Variants in CRACD observed in about 807,000 individuals in gnomAD.
The protein encoded by CRACD is capping protein-inhibiting regulator of actin dynamics.
Under a neutral mutation model 106.8 loss-of-function variants are expected in CRACD, and 56 were observed. The ratio of observed to expected loss-of-function variants is 0.52; its 90% CI spans 0.42 to 0.66. CRACD has a LOEUF of 0.66. Among genes scored for constraint, CRACD ranks in the 30% least tolerant of loss-of-function variants. The probability of loss-of-function intolerance (pLI) is 0.00; values close to 1 mark genes in which losing one functional copy is unlikely to be tolerated. For synonymous variants in CRACD, 754 were observed against 670.8 expected (o/e 1.12, Z -1.92); for missense variants, 1,730 against 1,623.2 (o/e 1.07, Z -1.13).
chr4:56,113,944 C>T (rs752744794), intron 1 of CRACD, among the ~76,000 whole-genome samples: 3 of 152,066 alleles, frequency 2.0e-5, no homozygotes, highest in Non-Finnish European at 4.4e-5. Flanking sequence ...TCAGAAAAGG[C>T]AGTCTTCCTT....
chr4:56,061,281 C>T (rs1267933411), intron 1 of CRACD, among the ~76,000 whole-genome samples: 4 of 152,176 alleles, frequency 2.6e-5, no homozygotes, highest in Admixed American at 2.6e-4. Flanking sequence ...AAGGATCCTC[C>T]TACCTCAGCC....
chr4:56,058,303 C>G (rs1010660386), intron 1 of CRACD, among the ~76,000 whole-genome samples: 2 of 152,164 alleles, frequency 1.3e-5, no homozygotes, highest in African/African-American at 4.8e-5. Flanking sequence ...CCCTTGGGCT[C>G]AAGCAATCCC....
chr4:56,276,365 G>A (rs377079784), intron 3 of CRACD, among the ~76,000 whole-genome samples: 1 of 152,070 alleles, frequency 6.6e-6, no homozygotes, highest in African/African-American at 2.4e-5. Flanking sequence ...TTTACTATGC[G>A]AATGTGTCCT....
chr4:56,245,504 G>A (rs1740632300), intron 2 of CRACD, among the ~76,000 whole-genome samples: 2 of 152,212 alleles, frequency 1.3e-5, no homozygotes, highest in Non-Finnish European at 2.9e-5. Context: ...ACGTTCAGTT[G>A]TGTTTTGGTC....
intron 2 of CRACD, among the ~76,000 whole-genome samples, chr4:56,189,549 T>A (rs1277735246): frequency 1.7e-5 from 1 of 60,078 alleles, no homozygotes; most frequent in Non-Finnish European, 3.0e-5. Context: ...CCCTCCCCCC[T>A]CCCCCCACCC....
chr4:56,106,935 C>A (rs1229182880), intron 1 of CRACD, among the ~76,000 whole-genome samples: 1 of 152,152 alleles, frequency 6.6e-6, no homozygotes, highest in Non-Finnish European at 1.5e-5. Context: ...GCCAGCTGTG[C>A]ACATGAGCAT....
chr4:56,284,292 TAAAAAAAAAAA>T (rs59270238), intron 3 of CRACD, among the ~76,000 whole-genome samples: 13 of 45,474 alleles, frequency 2.9e-4, no homozygotes, highest in Admixed American at 4.0e-4. Flanking sequence ...CATCCTAAAG[TAAAAAAAAAAA>T]AAAAAAAAAA....
At chr4:56,299,669 A>G (rs1049527873) in intron 4 of CRACD, among the ~76,000 whole-genome samples, 1 of 139,140 alleles carries the variant, frequency 7.2e-6, no homozygotes, top group Non-Finnish European at 1.6e-5. Flanking sequence ...GAGCTTGTCC[A>G]AAAAAAAAAA....
intron 2 of CRACD, among the ~76,000 whole-genome samples, chr4:56,188,736 G>GAGA (rs746010336): frequency 6.8e-4 from 84 of 122,784 alleles, no homozygotes; most frequent in Non-Finnish European, 9.5e-4. Context: ...AGAGAGAGAG[G>GAGA]GGTTAACATT....
At chr4:56,172,381 G>A (rs2109918518) in intron 1 of CRACD, among the ~76,000 whole-genome samples, 1 of 152,326 alleles carries the variant, frequency 6.6e-6, no homozygotes, top group South Asian at 2.1e-4. Flanking sequence ...TATTTTCTCT[G>A]TTACAATCTG....
chr4:56,141,646 A>G lies in CRACD; in HGVS notation c.-335-37638A>G, dbSNP rs62308640. On this transcript the variant is annotated intron_variant, in intron 1 of 10. Transcript: ENST00000682029. ...CAAAACAAGAGATGCTGAATATCTC[A>G]TAAGTAAAAGTAAGTATCTAAACTA... Among the ~76,000 whole-genome samples, 1,273 of 151,138 alleles carry G rather than the reference A, an allele frequency of 8.4e-3. 3 individuals carry two copies. Among genetic ancestry groups the G allele is most frequent in the Middle Eastern group, 0.021 (6 of 292 alleles).
chr4:56,329,521 T>C lies in CRACD; in HGVS notation c.*1717T>C, dbSNP rs751704951. Among the ~76,000 whole-genome samples the C allele has an allele frequency of 2.0e-5, 3 of 152,202 alleles. No homozygotes were observed. The highest frequency in any genetic ancestry group is 4.4e-5 in the Non-Finnish European group (3 of 68,034). ...CTGGCATGTGTGGTCAAGTGGATAG[T>C]TGTACTCTTGCAAGTTGGATTTAAT... is the stretch of plus-strand genomic sequence containing the variant. On this transcript the variant is annotated 3_prime_UTR_variant, in exon 11 of 11. Transcript: ENST00000682029.
chr4:56,124,181 A>C (rs1262421555), intron 1 of CRACD, among the ~76,000 whole-genome samples: 1 of 152,036 alleles, frequency 6.6e-6, no homozygotes, highest in Non-Finnish European at 1.5e-5. Context: ...CAGGTAATCC[A>C]CCTGCCTCAG....
chr4:56,123,802 A>C (rs1366812438), intron 1 of CRACD, among the ~76,000 whole-genome samples: 1 of 152,180 alleles, frequency 6.6e-6, no homozygotes, highest in East Asian at 1.9e-4. Flanking sequence ...TAAGTTCTAG[A>C]GATGCTGGAA....
chr4:56,298,408 G>T, intron 4 of CRACD, 59 bp downstream of exon 4: 3 of 1,596,898 alleles, frequency 1.9e-6, no homozygotes, highest in Non-Finnish European at 2.6e-6. Flanking sequence ...ATGAAGGGAA[G>T]TGGGAAAAGT....
chr4:56,315,263 G>A lies in CRACD; in HGVS notation c.1761G>A (p.Ser587=). ...GCCCAGTCCAGCACGCCCTACCGTCGTCCCTGAGCGTTCCCCACACCGCCA... is the reference window on the plus strand; with the variant it reads ...GCCCAGTCCAGCACGCCCTACCGTCATCCCTGAGCGTTCCCCACACCGCCA... The part of the protein sequence containing the change: ...KASPVQHALP[S]SLSVPHTAIL... The change falls in exon 8 of 11, where the codon TCG becomes TCA. Residue 587 remains serine, a synonymous_variant. Coordinates refer to ENST00000682029, the MANE Select transcript of CRACD (RefSeq NM_001393381.1). This position sits in a 1 kb window ranked among gnomAD's most constrained non-coding sequence, Gnocchi z 4.1. 1 of 1,609,790 alleles carries A rather than the reference G, an allele frequency of 6.2e-7. No homozygotes were observed. The highest frequency in any genetic ancestry group is 1.1e-5 in the South Asian group (1 of 90,096).
At chr4:56,242,196 C>T (rs903049590) in intron 2 of CRACD, among the ~76,000 whole-genome samples, 2 of 151,962 alleles carry the variant, frequency 1.3e-5, no homozygotes, top group Admixed American at 6.6e-5. Flanking sequence ...ATATCGTTGC[C>T]AATAAACCTT....
intron 2 of CRACD, among the ~76,000 whole-genome samples, chr4:56,192,886 T>C (rs937960417): frequency 6.6e-6 from 1 of 152,182 alleles, no homozygotes; most frequent in Admixed American, 6.5e-5. Flanking sequence ...GATTGATTAA[T>C]ATTAGCTTCT....
In CRACD at chr4:56,140,722, C is replaced by T. The variant is rs551283276; in HGVS notation, c.-335-38562C>T. ...CACAGGGCCAGTTCTTTGAAACATCCGCTTTTGCCCTGTCCATCAGGTCTC... is the reference window on the plus strand; with the variant it reads ...CACAGGGCCAGTTCTTTGAAACATCTGCTTTTGCCCTGTCCATCAGGTCTC... On this transcript the variant is annotated intron_variant, in intron 1 of 10. Coordinates refer to ENST00000682029, the MANE Select transcript of CRACD (RefSeq NM_001393381.1). Among the ~76,000 whole-genome samples the T allele has an allele frequency of 1.2e-4, 18 of 152,290 alleles. No homozygotes were observed. The South Asian group carries it at 2.3e-3, about 19-fold the overall frequency.
Sources: gnomAD v4.1 joint callset for allele counts (sites outside exome capture counted in the v4.1 genomes callset) on GRCh38, gnomAD v4.1.1 for gene constraint, Gnocchi (gnomAD v3.1) non-coding constraint, MANE v1.5 for transcripts, NCBI Gene and HGNC (gene_info 2026-07-23, HGNC 2026-07-21) for gene names.